Variants in BACH2 observed in about 807,000 individuals in gnomAD.
The protein encoded by BACH2 is transcription regulator protein BACH2.
Under a neutral mutation model 61.8 loss-of-function variants are expected in BACH2, and 5 were observed. The observed-to-expected ratio is 0.08, with a 90% CI of 0.04 to 0.17. The LOEUF (loss-of-function observed/expected upper bound fraction) is 0.17, where lower values mean the gene tolerates loss of function less well. Among genes scored for constraint, BACH2 ranks in the 10% least tolerant of loss-of-function variants. The probability of loss-of-function intolerance (pLI) is 1.00; values close to 1 mark genes in which losing one functional copy is unlikely to be tolerated. For synonymous variants in BACH2, 446 were observed against 440.1 expected (o/e 1.01, Z -0.17); for missense variants, 824 against 1,091.1 (o/e 0.76, Z 3.45).
chr6:89,945,722 T>A lies in BACH2; in HGVS notation c.1836+4548A>T, dbSNP rs1451285051. On this transcript the variant is annotated intron_variant, in intron 7 of 8. Coordinates refer to ENST00000257749, the MANE Select transcript of BACH2 (RefSeq NM_021813.4). ...ATGATATGGGAATTATGTCTTAATT[T>A]AAAAAATAAACCTGTGCAAGATAGA... is the stretch of plus-strand genomic sequence containing the variant. Among the ~76,000 whole-genome samples, 3 of 152,278 alleles carry A rather than the reference T, an allele frequency of 2.0e-5. No individual in the cohort carries two copies. In the East Asian group the frequency reaches 5.8e-4, roughly 29 times the overall value.
rs1162675480 is a variant in BACH2 at position 89,928,467 on chromosome 6, CTT to C, written c.*3939_*3940del. 1 of 152,308 alleles carries C rather than the reference CTT, an allele frequency of 6.6e-6. No individual in the cohort carries two copies. Among genetic ancestry groups the C allele is most frequent in the Admixed American group, 6.5e-5 (1 of 15,268 alleles). The allele number at this position is 152,308 out of a possible 1,614,324, so 9.4% of individuals were successfully genotyped here. On this transcript the variant is annotated 3_prime_UTR_variant, in exon 9 of 9. Transcript: ENST00000257749. ...CCTTTGTCTGTTCCTTCTTTTTCTT[CTT>C]CTTTGATGGCAATCATAAAATATTA...
At chr6:90,029,740 C>T (rs1480625133) in intron 5 of BACH2, among the ~76,000 whole-genome samples, 1 of 152,150 alleles carries the variant, frequency 6.6e-6, no homozygotes, top group East Asian at 1.9e-4. Flanking sequence ...GGTCTCCTTC[C>T]AGCCTGTTTC....
chr6:90,044,010 ATGGAG>A (rs1779664931), intron 5 of BACH2, among the ~76,000 whole-genome samples: 1 of 152,186 alleles, frequency 6.6e-6, no homozygotes, highest in Admixed American at 6.5e-5. Context: ...ATCAATATTG[ATGGAG>A]TGTCTACCAT....
chr6:90,166,435 A>G (rs542939939), intron 4 of BACH2, among the ~76,000 whole-genome samples: 216 of 152,292 alleles, frequency 1.4e-3, no homozygotes, highest in Middle Eastern at 3.4e-3. Context: ...GGAGAAATAG[A>G]AACACTTTTA....
At chr6:90,224,492 CATTT>C (rs1769844988) in intron 3 of BACH2, among the ~76,000 whole-genome samples, 1 of 152,152 alleles carries the variant, frequency 6.6e-6, no homozygotes, top group Non-Finnish European at 1.5e-5. Context: ...ATCAATGATT[CATTT>C]ATTTATAAGA....
At chr6:89,996,417 C>A (rs1203800726) in intron 6 of BACH2, among the ~76,000 whole-genome samples, 1 of 152,216 alleles carries the variant, frequency 6.6e-6, no homozygotes, top group Non-Finnish European at 1.5e-5. Flanking sequence ...TCTTGGTTCA[C>A]AATGTTTCAT....
chr6:90,052,288 T>A (rs186933341), intron 5 of BACH2, among the ~76,000 whole-genome samples: 2 of 152,350 alleles, frequency 1.3e-5, no homozygotes, highest in Admixed American at 1.3e-4. Context: ...CTCTATAGTT[T>A]TATTAGTTTT....
At chr6:90,146,654 G>A (rs1264481127) in intron 4 of BACH2, among the ~76,000 whole-genome samples, 1 of 152,146 alleles carries the variant, frequency 6.6e-6, no homozygotes. Context: ...AAATTAGTAG[G>A]TGAATTGTTT....
intron 4 of BACH2, among the ~76,000 whole-genome samples, chr6:90,115,970 T>C (rs1030145440): frequency 6.6e-6 from 1 of 152,148 alleles, no homozygotes; most frequent in Admixed American, 6.6e-5. Flanking sequence ...AGAGACCATC[T>C]CACACCAGTC....
At chr6:90,189,013 CAG>C (rs1768461895) in intron 4 of BACH2, among the ~76,000 whole-genome samples, 1 of 152,066 alleles carries the variant, frequency 6.6e-6, no homozygotes. Context: ...CCTAAGAAAA[CAG>C]AGCCAAAATG....
intron 1 of BACH2, among the ~76,000 whole-genome samples, chr6:90,291,963 G>C (rs1772194066): frequency 1.3e-5 from 2 of 152,110 alleles, no homozygotes; most frequent in African/African-American, 4.8e-5. Flanking sequence ...ATCCAGACAG[G>C]GAAAGGAGAA....
intron 4 of BACH2, among the ~76,000 whole-genome samples, chr6:90,158,768 G>T (rs1269933169): frequency 2.7e-5 from 4 of 150,770 alleles, no homozygotes; most frequent in Non-Finnish European, 3.0e-5. Context: ...CTTTTGGTGG[G>T]GGGGGGGCAC....
At chr6:90,245,175 G>C (rs1363312510) in intron 3 of BACH2, among the ~76,000 whole-genome samples, 1 of 151,920 alleles carries the variant, frequency 6.6e-6, no homozygotes, top group African/African-American at 2.4e-5. Context: ...ATCCTGCCTG[G>C]GTGACAGAGT....
chr6:89,974,578 A>G (rs1481842566), intron 6 of BACH2, among the ~76,000 whole-genome samples: 1 of 152,230 alleles, frequency 6.6e-6, no homozygotes, highest in African/African-American at 2.4e-5. Context: ...CTGTGTTAGC[A>G]AGATCTTTTA....
chr6:90,255,028 T>C (rs987996810), intron 2 of BACH2, among the ~76,000 whole-genome samples: 7 of 152,186 alleles, frequency 4.6e-5, no homozygotes, highest in Admixed American at 4.6e-4. Flanking sequence ...GGCTGGAGCC[T>C]TCACAAACTT....
chr6:90,039,628 C>T (rs1457014878), intron 5 of BACH2, among the ~76,000 whole-genome samples: 1 of 152,170 alleles, frequency 6.6e-6, no homozygotes, highest in Non-Finnish European at 1.5e-5. Flanking sequence ...TCGTGATCTG[C>T]TCGCCTCGGC....
intron 4 of BACH2, among the ~76,000 whole-genome samples, chr6:90,189,890 T>C (rs1376590467): frequency 6.6e-6 from 1 of 152,146 alleles, no homozygotes; most frequent in Non-Finnish European, 1.5e-5. Flanking sequence ...CAAAGATATA[T>C]CATCTCCCCT....
chr6:90,024,141 CTATA>C (rs56100309), intron 5 of BACH2, among the ~76,000 whole-genome samples: 1 of 150,636 alleles, frequency 6.6e-6, no homozygotes, highest in African/African-American at 2.4e-5. Flanking sequence ...TCTACATCTA[CTATA>C]TATATATATA....
At chr6:89,965,157 GA>G (rs1474890052) in intron 6 of BACH2, among the ~76,000 whole-genome samples, 1 of 152,162 alleles carries the variant, frequency 6.6e-6, no homozygotes, top group East Asian at 1.9e-4. Context: ...GAAGTGCTGG[GA>G]TTACAGGCAT....
Sources: gnomAD v4.1 joint callset for allele counts (sites outside exome capture counted in the v4.1 genomes callset) on GRCh38, gnomAD v4.1.1 for gene constraint, MANE v1.5 for transcripts, NCBI Gene and HGNC (gene_info 2026-07-23, HGNC 2026-07-21) for gene names.